ZBTB46: variants seen among roughly 807,000 people sequenced by gnomAD.
ZBTB46 encodes the protein zinc finger and BTB domain-containing protein 46.
Under a neutral mutation model 44.1 loss-of-function variants are expected in ZBTB46, and 8 were observed. That is an observed-to-expected ratio of 0.18 (90% CI 0.11 to 0.33). The LOEUF is 0.33. Among genes scored for constraint, ZBTB46 ranks in the 10% least tolerant of loss-of-function variants. The pLI, the probability that ZBTB46 is intolerant of heterozygous loss-of-function variation, is 1.00. For missense variants in ZBTB46, 651 were observed against 847.7 expected (o/e 0.77, Z 2.88); for synonymous variants, 409 against 382.3 (o/e 1.07, Z -0.81).
chr20:63,772,098 G>A (rs965621493), intron 3 of ZBTB46, among the ~76,000 whole-genome samples: 8 of 150,412 alleles, frequency 5.3e-5, no homozygotes, highest in Admixed American at 4.7e-4. Context: ...AGGTTCAAGC[G>A]ATTCTCCTGC....
In ZBTB46 at chr20:63,789,808, G is replaced by A; in HGVS notation, c.937+13C>T. On this transcript the variant is annotated intron_variant, in intron 2 of 4. Transcript: ENST00000245663. ...TGGGGCAGCTGAGCCCCCGTAACGA[G>A]TGAAAGGCTTACTTGAGTCTCGGCT... is the stretch of plus-strand genomic sequence containing the variant. 1.3e-6 allele frequency: 2 copies of A among 1,599,638 alleles called. No individual in the cohort carries two copies. The highest frequency in any genetic ancestry group is 2.2e-5 in the South Asian group (2 of 90,020).
chr20:63,817,190 C>T (rs921220816), intron 1 of ZBTB46, among the ~76,000 whole-genome samples: 1 of 152,032 alleles, frequency 6.6e-6, no homozygotes, highest in Non-Finnish European at 1.5e-5. Context: ...GAGGCAGAGG[C>T]AGGAGGATCG....
chr20:63,779,163 A>T (rs1031484974), intron 2 of ZBTB46, among the ~76,000 whole-genome samples: 1 of 152,128 alleles, frequency 6.6e-6, no homozygotes, highest in Non-Finnish European at 1.5e-5. Flanking sequence ...TCAACACATG[A>T]GTGTGGGGGT....
At chr20:63,794,340 CA>C (rs1466415654) in intron 1 of ZBTB46, among the ~76,000 whole-genome samples, 1 of 152,106 alleles carries the variant, frequency 6.6e-6, no homozygotes, top group African/African-American at 2.4e-5. Context: ...CACAGGTGCA[CA>C]CCCCAATGCC....
At position 63,743,680 on chromosome 20, in the gene ZBTB46, A is replaced by G. The variant is rs2092058233; in HGVS notation, c.*3250T>C. Reference sequence around the variant, plus strand: ...GCAGGAGGCATCTGCTGGAGCAGCAATTTCCCAATTTATTGAAAGTGATCG... The same window carrying G: ...GCAGGAGGCATCTGCTGGAGCAGCAGTTTCCCAATTTATTGAAAGTGATCG... On this transcript the variant is annotated 3_prime_UTR_variant, in exon 5 of 5. Coordinates refer to ENST00000245663, the MANE Select transcript of ZBTB46 (RefSeq NM_001369741.1). 2.0e-5 allele frequency: 3 copies of G among 152,368 alleles called. No homozygotes were observed. Among genetic ancestry groups the G allele is most frequent in the Non-Finnish European group, 4.4e-5 (3 of 68,058 alleles). 9.4% of individuals were successfully genotyped at this position (152,368 alleles called of 1,614,324 possible).
Position 63,790,148 on chromosome 20 carries a change from T to C in ZBTB46, c.610A>G (p.Lys204Glu). The change falls in exon 2 of 5, where the codon AAG becomes GAG. Residue 204 changes from lysine to glutamate, a missense_variant. Lys to Glu is a moderately conservative substitution (Grantham distance 56). This residue lies in a region of ZBTB46 where 385 missense variants were observed against 423.3 expected (regional missense o/e 0.91). Transcript: ENST00000245663. ...GAAACATCATCAGGGCCATCGGCCTTGGGCTCCTGATCCTCTTTCCCGTAG... is the reference window on the plus strand; with the variant it reads ...GAAACATCATCAGGGCCATCGGCCTCGGGCTCCTGATCCTCTTTCCCGTAG... ...SSYGKEDQEP[K>E]ADGPDDVSSQ... 3 of 1,613,930 alleles carry C rather than the reference T, an allele frequency of 1.9e-6. No homozygotes were observed. Among genetic ancestry groups the C allele is most frequent in the Non-Finnish European group, 2.5e-6 (3 of 1,180,018 alleles).
intron 3 of ZBTB46, among the ~76,000 whole-genome samples, chr20:63,762,689 C>T (rs1382908221): frequency 3.5e-5 from 2 of 56,870 alleles, no homozygotes; most frequent in Non-Finnish European, 7.5e-5. Context: ...AAAAAAAAAC[C>T]AACTGAGCTG....
chr20:63,761,666 C>T (rs1232523096), intron 3 of ZBTB46, among the ~76,000 whole-genome samples: 1 of 151,678 alleles, frequency 6.6e-6, no homozygotes, highest in Non-Finnish European at 1.5e-5. Flanking sequence ...CCTGTAATCC[C>T]AGCTACTCGG....
chr20:63,795,954 T>C (rs2092600593), intron 1 of ZBTB46, among the ~76,000 whole-genome samples: 1 of 152,154 alleles, frequency 6.6e-6, no homozygotes, highest in African/African-American at 2.4e-5. Context: ...TTGAAGACTG[T>C]AAACAGGCGC....
At chr20:63,821,712 T>C (rs1445514029) in intron 1 of ZBTB46, among the ~76,000 whole-genome samples, 1 of 152,184 alleles carries the variant, frequency 6.6e-6, no homozygotes, top group Non-Finnish European at 1.5e-5. Flanking sequence ...CCTCCCAAAG[T>C]GCTGGGATTA....
At chr20:63,778,716 C>A (rs1047292006) in intron 2 of ZBTB46, among the ~76,000 whole-genome samples, 1 of 152,354 alleles carries the variant, frequency 6.6e-6, no homozygotes, top group East Asian at 1.9e-4. Flanking sequence ...CCAAACTCTA[C>A]TCTTTTTCCA....
At chr20:63,832,007 G>T (rs1429163336), upstream of ZBTB46, among the ~76,000 whole-genome samples, 1 of 152,004 alleles carries the variant, frequency 6.6e-6, no homozygotes, top group Non-Finnish European at 1.5e-5. This position sits in a 1 kb window ranked among gnomAD's most constrained non-coding sequence, Gnocchi z 5.0. Flanking sequence ...CCTCGTGGGG[G>T]TGCCCGCCAG....
chr20:63,768,320 G>A (rs960968219), intron 3 of ZBTB46, among the ~76,000 whole-genome samples: 2 of 152,248 alleles, frequency 1.3e-5, no homozygotes, highest in Admixed American at 6.5e-5. Flanking sequence ...GGAGACCAAG[G>A]AGGCTCATGC....
intron 1 of ZBTB46, among the ~76,000 whole-genome samples, chr20:63,799,063 CTCAG>C: frequency 6.6e-6 from 1 of 151,950 alleles, no homozygotes; most frequent in Non-Finnish European, 1.5e-5. Flanking sequence ...CAAGGTGTCA[CTCAG>C]TCACCCAGGC....
intron 1 of ZBTB46, among the ~76,000 whole-genome samples, chr20:63,803,000 C>T (rs1032509734): frequency 2.6e-5 from 4 of 152,168 alleles, no homozygotes; most frequent in African/African-American, 7.2e-5. Context: ...AGGTCACTGA[C>T]GCCCCGTTTC....
At chr20:63,791,444 C>T (rs960797529) in intron 1 of ZBTB46, among the ~76,000 whole-genome samples, 31 of 136,096 alleles carry the variant, frequency 2.3e-4, no homozygotes, top group Non-Finnish European at 3.9e-4. Context: ...TGCAGTGAGC[C>T]GAGATCGCGC....
chr20:63,782,907 G>T (rs2092482404), intron 2 of ZBTB46, among the ~76,000 whole-genome samples: 1 of 152,178 alleles, frequency 6.6e-6, no homozygotes, highest in Non-Finnish European at 1.5e-5. Context: ...TTTGAGACTG[G>T]CCTGGGCAAC....
chr20:63,774,765 G>A (rs1442619203), intron 3 of ZBTB46, among the ~76,000 whole-genome samples: 2 of 78,830 alleles, frequency 2.5e-5, no homozygotes, highest in African/African-American at 4.3e-5. Context: ...GTGCAGTGGC[G>A]CGATCTCGGC....
intron 1 of ZBTB46, among the ~76,000 whole-genome samples, chr20:63,830,051 G>GA (rs1397366962): frequency 6.6e-6 from 1 of 152,220 alleles, no homozygotes; most frequent in African/African-American, 2.4e-5. Flanking sequence ...TTGCAGCACG[G>GA]AAAGCGAGAG....
Sources: allele counts gnomAD v4.1 joint callset (sites outside exome capture counted in the v4.1 genomes callset), GRCh38; gene constraint gnomAD v4.1.1; regional missense constraint gnomAD v4.1.1; non-coding constraint Gnocchi (gnomAD v3.1); transcripts MANE v1.5; gene names NCBI Gene and HGNC (gene_info 2026-07-23, HGNC 2026-07-21).